NKAIN3: variants seen among roughly 807,000 people sequenced by gnomAD.
The protein encoded by NKAIN3 is sodium/potassium transporting ATPase interacting 3.
A neutral mutation model predicts 30.2 loss-of-function variants in NKAIN3; 25 were observed. The ratio of observed to expected loss-of-function variants is 0.83; its 90% CI spans 0.60 to 1.16. The LOEUF is 1.16. Ranked by LOEUF, NKAIN3 falls within the 50% of genes most tolerant of loss-of-function variation. The probability of loss-of-function intolerance (pLI) is 0.00; values close to 1 mark genes in which losing one functional copy is unlikely to be tolerated. For missense variants in NKAIN3, 225 were observed against 254.1 expected (o/e 0.89, Z 0.78); for synonymous variants, 91 against 89.6 (o/e 1.02, Z -0.09).
At chr8:62,702,893 C>A (rs1438667896) in intron 3 of NKAIN3, among the ~76,000 whole-genome samples, 1 of 152,050 alleles carries the variant, frequency 6.6e-6, no homozygotes, top group African/African-American at 2.4e-5. Context: ...ACCACATATA[C>A]AACATGTCAA....
At chr8:62,693,993 G>A (rs1461108378) in intron 3 of NKAIN3, among the ~76,000 whole-genome samples, 1 of 152,058 alleles carries the variant, frequency 6.6e-6, no homozygotes. Context: ...TATTTTTGGA[G>A]GTACAAGTGA....
chr8:62,751,533 C>T (rs375115054), intron 4 of NKAIN3, among the ~76,000 whole-genome samples: 5 of 152,096 alleles, frequency 3.3e-5, no homozygotes, highest in African/African-American at 9.7e-5. Flanking sequence ...CACAAGCTAA[C>T]GTATGATATG....
At chr8:62,691,830 ATT>A (rs1417538633) in intron 3 of NKAIN3, among the ~76,000 whole-genome samples, 1 of 152,254 alleles carries the variant, frequency 6.6e-6, no homozygotes, top group Non-Finnish European at 1.5e-5. Flanking sequence ...AACAAGCCAC[ATT>A]AAAACATAGT....
intron 1 of NKAIN3, among the ~76,000 whole-genome samples, chr8:62,478,238 C>T (rs1170398814): frequency 2.6e-5 from 4 of 152,062 alleles, no homozygotes; most frequent in Admixed American, 6.6e-5. Flanking sequence ...CTAGTAGAGC[C>T]GGGTATCCAG....
At chr8:62,898,918 A>G (rs1821518123) in intron 4 of NKAIN3, among the ~76,000 whole-genome samples, 1 of 151,798 alleles carries the variant, frequency 6.6e-6, no homozygotes, top group Non-Finnish European at 1.5e-5. Context: ...AAATGGGCAA[A>G]AGATCTGAAT....
intron 3 of NKAIN3, among the ~76,000 whole-genome samples, chr8:62,593,355 ATCT>A (rs1810715836): frequency 6.6e-6 from 1 of 152,118 alleles, no homozygotes; most frequent in Admixed American, 6.6e-5. Context: ...TTAAAAAAAA[ATCT>A]TCTTTGTGGA....
chr8:62,816,704 C>T (rs1471351532), intron 4 of NKAIN3, among the ~76,000 whole-genome samples: 1 of 152,076 alleles, frequency 6.6e-6, no homozygotes, highest in African/African-American at 2.4e-5. Context: ...GACACTTCAG[C>T]CCTCAGAGTG....
At chr8:62,874,859 C>G (rs1820746850) in intron 4 of NKAIN3, among the ~76,000 whole-genome samples, 3 of 152,122 alleles carry the variant, frequency 2.0e-5, no homozygotes, top group Non-Finnish European at 4.4e-5. Flanking sequence ...CAGCCAATAT[C>G]CTATTGAATG....
chr8:62,831,653 A>T (rs1188427963), intron 4 of NKAIN3, among the ~76,000 whole-genome samples: 1 of 152,166 alleles, frequency 6.6e-6, no homozygotes, highest in Non-Finnish European at 1.5e-5. Flanking sequence ...CTAGTCTTTC[A>T]AACTAACCCA....
chr8:62,863,301 T>C, intron 4 of NKAIN3: 1 of 1,550,676 alleles, frequency 6.4e-7, no homozygotes, highest in Non-Finnish European at 8.7e-7. Flanking sequence ...CCGTACTCAC[T>C]GCAGACCCTG....
At chr8:62,583,291 C>T (rs995037933) in intron 2 of NKAIN3, among the ~76,000 whole-genome samples, 2 of 152,044 alleles carry the variant, frequency 1.3e-5, no homozygotes, top group Non-Finnish European at 2.9e-5. Flanking sequence ...CCCTCCTATG[C>T]GTAGAGGAAG....
chr8:62,768,065 G>A (rs1410771628), intron 4 of NKAIN3, among the ~76,000 whole-genome samples: 2 of 152,024 alleles, frequency 1.3e-5, no homozygotes, highest in African/African-American at 4.8e-5. Context: ...CTGACAAAGG[G>A]TGATGCAGCC....
intron 5 of NKAIN3, among the ~76,000 whole-genome samples, chr8:62,929,463 T>C (rs1822552796): frequency 6.6e-6 from 1 of 152,252 alleles, no homozygotes; most frequent in Admixed American, 6.5e-5. Context: ...TAAATCTGTT[T>C]CTTTTTTACT....
rs571512910 is a variant in NKAIN3, at chr8:62,489,525, T to A, written c.55-90014T>A. 9.2e-5 allele frequency among the ~76,000 whole-genome samples: 14 copies of A among 152,330 alleles called. No homozygotes were observed. In the East Asian group the frequency reaches 2.7e-3, roughly 29 times the overall value. On this transcript the variant is annotated intron_variant, in intron 1 of 6. Transcript: ENST00000623646. ...CAGTCTTAAACTTCTCTATGCCTTG[T>A]TTTTAATATCTGGGTAACCAAGATT...
intron 2 of NKAIN3, among the ~76,000 whole-genome samples, chr8:62,585,994 GC>G (rs1206967729): frequency 3.3e-5 from 5 of 152,126 alleles, no homozygotes; most frequent in African/African-American, 1.2e-4. Flanking sequence ...TAACTCACAT[GC>G]AGATGAATTA....
chr8:62,952,877 C>A (rs953970446), intron 5 of NKAIN3, among the ~76,000 whole-genome samples: 10 of 152,070 alleles, frequency 6.6e-5, no homozygotes, highest in African/African-American at 2.4e-4. Context: ...TAGAATGGAG[C>A]CCCAGTTTTT....
intron 3 of NKAIN3, among the ~76,000 whole-genome samples, chr8:62,629,545 T>G (rs903858651): frequency 4.6e-5 from 7 of 152,102 alleles, no homozygotes; most frequent in Non-Finnish European, 7.4e-5. Flanking sequence ...ATGATGCTAG[T>G]AAAATCACCA....
intron 4 of NKAIN3, chr8:62,856,344 G>A (rs1239034407): frequency 4.4e-6 from 4 of 904,458 alleles, no homozygotes; most frequent in Non-Finnish European, 5.6e-6. Context: ...CCTGCTTAGT[G>A]CTTGCTTCCT....
At chr8:62,796,383 CAAAAAAAAAAAAAAAA>C (rs71255362) in intron 4 of NKAIN3, among the ~76,000 whole-genome samples, 1 of 53,744 alleles carries the variant, frequency 1.9e-5, no homozygotes, top group Non-Finnish European at 3.1e-5. Flanking sequence ...GACTCTGTCT[CAAAAAAAAAAAAAAAA>C]AAAAAAAAAA....
Sources: gnomAD v4.1 joint callset for allele counts (sites outside exome capture counted in the v4.1 genomes callset) on GRCh38, gnomAD v4.1.1 for gene constraint, MANE v1.5 for transcripts, NCBI Gene and HGNC (gene_info 2026-07-23, HGNC 2026-07-21) for gene names.